PAPPA: variants seen among roughly 807,000 people sequenced by gnomAD.
The protein encoded by PAPPA is pappalysin 1, also known as pappalysin-1.
PAPPA carries 60 observed loss-of-function variants against 164.0 expected under a neutral mutation model. That is an observed-to-expected ratio of 0.37 (90% CI 0.30 to 0.45). The LOEUF (loss-of-function observed/expected upper bound fraction) is 0.45. Among genes scored for constraint, PAPPA ranks in the 20% least tolerant of loss-of-function variants. The probability of loss-of-function intolerance (pLI) is 1.00; values close to 1 mark genes in which losing one functional copy is unlikely to be tolerated. For synonymous variants in PAPPA, 875 were observed against 814.1 expected (o/e 1.07, Z -1.27); for missense variants, 1,782 against 2,087.3 (o/e 0.85, Z 2.85).
intron 19 of PAPPA, among the ~76,000 whole-genome samples, chr9:116,376,926 A>G (rs1171167453): frequency 6.6e-6 from 1 of 152,106 alleles, no homozygotes; most frequent in Admixed American, 6.5e-5. Flanking sequence ...GTTGGTTCAT[A>G]ATAGCCCATG....
chr9:116,183,616 A>G (rs967875416), intron 1 of PAPPA, among the ~76,000 whole-genome samples: 9 of 152,122 alleles, frequency 5.9e-5, no homozygotes, highest in African/African-American at 2.2e-4. Context: ...TACACCCCCA[A>G]CCTTATTGAA....
rs978972158 is a variant in PAPPA at position 116,398,655 on chromosome 9, G to C, written c.*2039G>C. The C allele has an allele frequency of 2.8e-5, 17 of 597,226 alleles. No individual in the cohort carries two copies. The African/African-American group carries it at 2.8e-4, about 10-fold the overall frequency. 37.0% of individuals were successfully genotyped at this position (597,226 alleles called of 1,614,324 possible). On this transcript the variant is annotated 3_prime_UTR_variant, in exon 22 of 22. Coordinates refer to ENST00000328252, the MANE Select transcript of PAPPA (RefSeq NM_002581.5). ...TTTGGCACAGGTGCCCACAAATACG[G>C]ATGCAGTGCTGAGATAGTTTATGAG... is the stretch of plus-strand genomic sequence containing the variant.
intron 6 of PAPPA, among the ~76,000 whole-genome samples, chr9:116,232,686 G>A (rs1020291688): frequency 6.6e-6 from 1 of 152,226 alleles, no homozygotes; most frequent in Non-Finnish European, 1.5e-5. Context: ...AACTCGTGAA[G>A]GCTGGCATTA....
chr9:116,264,069 A>G (rs1231435479), intron 7 of PAPPA, among the ~76,000 whole-genome samples: 1 of 152,170 alleles, frequency 6.6e-6, no homozygotes, highest in Admixed American at 6.5e-5. Context: ...ATGCCTCTGT[A>G]TTTTAGAAAA....
At position 116,353,756 on chromosome 9, in the gene PAPPA, A is replaced by G. The variant is rs755852853; in HGVS notation, c.4310A>G (p.Glu1437Gly). 7.4e-6 allele frequency: 12 copies of G among 1,613,954 alleles called. No individual in the cohort carries two copies. Among genetic ancestry groups the G allele is most frequent in the Admixed American group, 5.0e-5 (3 of 59,994 alleles). The change falls in exon 17 of 22, where the codon GAG becomes GGG. Residue 1437 changes from glutamate to glycine, a missense_variant. By Grantham distance (98) the Glu-to-Gly change is moderately conservative. This residue lies in a region of PAPPA where 1,324 missense variants were observed against 1,656.9 expected (regional missense o/e 0.80). Transcript: ENST00000328252. ...ACTAATGGCTTCCAGTTCAACAGTG[A>G]GTGTAGGATCAAGTGTGAAGACAGT... The part of the protein sequence containing the change: ...QCTNGFQFNS[E>G]CRIKCEDSDA...
At chr9:116,159,644 C>G (rs1587933303) in intron 1 of PAPPA, among the ~76,000 whole-genome samples, 1 of 152,266 alleles carries the variant, frequency 6.6e-6, no homozygotes, top group East Asian at 1.9e-4. Context: ...GCCTCTTGCT[C>G]CTTCCCCAGG....
intron 7 of PAPPA, among the ~76,000 whole-genome samples, chr9:116,262,510 G>A (rs1253799186): frequency 6.6e-6 from 1 of 152,164 alleles, no homozygotes; most frequent in Non-Finnish European, 1.5e-5. Context: ...TAAATGAAAA[G>A]ATTTTGAGCT....
chr9:116,254,600 G>A (rs1460721578), intron 7 of PAPPA, among the ~76,000 whole-genome samples: 4 of 151,972 alleles, frequency 2.6e-5, no homozygotes, highest in African/African-American at 7.3e-5. Context: ...GGCTAATACG[G>A]TGAAACCCCA....
Position 116,162,026 on chromosome 9 carries a change from G to C in PAPPA, c.415+7439G>C, listed in dbSNP as rs547301881. On this transcript the variant is annotated intron_variant, in intron 1 of 21. Coordinates refer to ENST00000328252, the MANE Select transcript of PAPPA (RefSeq NM_002581.5). Reference sequence around the variant, plus strand: ...AGCTGAAAGTCGTGACACAGCCCAGGCTTCAGATCTGAGGAGCTCCCCATC... The same window carrying C: ...AGCTGAAAGTCGTGACACAGCCCAGCCTTCAGATCTGAGGAGCTCCCCATC... Among the ~76,000 whole-genome samples, 220 of 152,194 alleles carry C rather than the reference G, an allele frequency of 1.4e-3. 1 individual carries two copies. The highest frequency in any genetic ancestry group is 5.0e-3 in the African/African-American group (207 of 41,518).
chr9:116,299,796 T>C (rs1845557113), intron 9 of PAPPA, among the ~76,000 whole-genome samples: 1 of 151,962 alleles, frequency 6.6e-6, no homozygotes, highest in Admixed American at 6.6e-5. Context: ...TTCCATTAGA[T>C]AAAATGGATG....
chr9:116,339,256 G>A lies in PAPPA; in HGVS notation c.3611+4182G>A, dbSNP rs961347969. Among the ~76,000 whole-genome samples, 3 of 152,152 alleles carry A rather than the reference G, an allele frequency of 2.0e-5. No homozygotes were observed. The South Asian group carries it at 6.2e-4, about 32-fold the overall frequency. On this transcript the variant is annotated intron_variant, in intron 13 of 21. Transcript: ENST00000328252. ...AGAATTCTTCTTGGAACTCTTTAAAGAAATGAGAAGCTTTGAAAACATCAG... is the reference window on the plus strand; with the variant it reads ...AGAATTCTTCTTGGAACTCTTTAAAAAAATGAGAAGCTTTGAAAACATCAG...
At chr9:116,356,767 T>C (rs189870400) in intron 17 of PAPPA, among the ~76,000 whole-genome samples, 2 of 152,280 alleles carry the variant, frequency 1.3e-5, no homozygotes, top group Non-Finnish European at 2.9e-5. Context: ...AGCCTTGTAG[T>C]GTAGTTTTAA....
At chr9:116,381,504 A>G (rs1846730979) in intron 20 of PAPPA, among the ~76,000 whole-genome samples, 1 of 152,240 alleles carries the variant, frequency 6.6e-6, no homozygotes, top group Admixed American at 6.5e-5. Context: ...GGAATCCAAG[A>G]GACTCCTGGA....
At chr9:116,300,514 G>C (rs111482379) in intron 9 of PAPPA, among the ~76,000 whole-genome samples, 2 of 152,266 alleles carry the variant, frequency 1.3e-5, no homozygotes, top group Admixed American at 6.5e-5. Context: ...CAAGCAATCT[G>C]CCTGCCTTGG....
At chr9:116,219,229 T>G (rs1844412810) in intron 4 of PAPPA, among the ~76,000 whole-genome samples, 1 of 152,338 alleles carries the variant, frequency 6.6e-6, no homozygotes, top group East Asian at 1.9e-4. Context: ...TATCAGTGAT[T>G]GACATCACAG....
chr9:116,213,113 G>A (rs902778756), intron 4 of PAPPA, among the ~76,000 whole-genome samples: 2 of 152,194 alleles, frequency 1.3e-5, no homozygotes, highest in Non-Finnish European at 2.9e-5. Flanking sequence ...ATGCTTCAGG[G>A]CAACTGCCCT....
At position 116,200,207 on chromosome 9, in the gene PAPPA, G is replaced by T. The variant is rs368588645; in HGVS notation, c.1479-7249G>T. Among the ~76,000 whole-genome samples, 3 of 152,242 alleles carry T rather than the reference G, an allele frequency of 2.0e-5. No individual in the cohort carries two copies. In the East Asian group the frequency reaches 5.8e-4, roughly 29 times the overall value. The stretch of plus-strand genomic sequence containing the variant: ...TGCTTCTGGGCTTTCTGGAGCTTCT[G>T]CCATTTTCTCTATTTCCCACACTTG... On this transcript the variant is annotated intron_variant, in intron 2 of 21. Transcript: ENST00000328252.
intron 10 of PAPPA, among the ~76,000 whole-genome samples, chr9:116,320,356 G>C (rs1845838849): frequency 6.6e-6 from 1 of 152,178 alleles, no homozygotes; most frequent in African/African-American, 2.4e-5. Context: ...GCCCAGAGCT[G>C]AGCCCCAAGG....
chr9:116,340,283 G>A (rs1846119493), intron 13 of PAPPA, among the ~76,000 whole-genome samples: 1 of 152,176 alleles, frequency 6.6e-6, no homozygotes, highest in South Asian at 2.1e-4. Context: ...GTATCACAGA[G>A]TTATTTGAGA....
Sources: allele counts gnomAD v4.1 joint callset (sites outside exome capture counted in the v4.1 genomes callset), GRCh38; gene constraint gnomAD v4.1.1; regional missense constraint gnomAD v4.1.1; transcripts MANE v1.5; gene names NCBI Gene and HGNC (gene_info 2026-07-23, HGNC 2026-07-21).